Variants in SNED1 observed in about 807,000 individuals in gnomAD.
SNED1 encodes the protein sushi, nidogen and EGF-like domain-containing protein 1.
A neutral mutation model predicts 166.7 loss-of-function variants in SNED1; 81 were observed. That is an observed-to-expected ratio of 0.49 (90% CI 0.41 to 0.58). SNED1 has a LOEUF of 0.58. SNED1 is among the 20% of genes least tolerant of loss of function. The probability of loss-of-function intolerance (pLI) is 0.00; values close to 1 mark genes in which losing one functional copy is unlikely to be tolerated. For synonymous variants in SNED1, 762 were observed against 822.0 expected, an observed-to-expected ratio of 0.93 and a Z score of 1.25; for missense variants, 1,604 against 2,000.2, an observed-to-expected ratio of 0.80 and a Z score of 3.78.
rs1574865343 is a variant in SNED1, at chr2:241,013,372, C to T, written c.213+14322C>T. 6.6e-6 allele frequency among the ~76,000 whole-genome samples: 1 copy of T among 152,182 alleles called. No individual in the cohort carries two copies. The highest frequency in any genetic ancestry group is 6.5e-5 in the Admixed American group (1 of 15,280). On this transcript the variant is annotated intron_variant, in intron 1 of 31. Coordinates refer to ENST00000310397, the MANE Select transcript of SNED1 (RefSeq NM_001080437.3). The surrounding 1 kb of genome is among the most constrained non-coding windows in gnomAD (Gnocchi z 4.6). ...CCAGGCTGGAGTGCAGTGGCCTGAG[C>T]CTAGCTCACTGTAACCTCGAACTCA...
chr2:241,028,850 A>G (rs1559236443), intron 1 of SNED1, among the ~76,000 whole-genome samples: 2 of 148,238 alleles, frequency 1.3e-5, no homozygotes, highest in Non-Finnish European at 3.0e-5. Context: ...TGTTTCTCTC[A>G]TTTCTGTCTA....
At chr2:241,027,854 C>T (rs574563938) in intron 1 of SNED1, among the ~76,000 whole-genome samples, 1 of 152,104 alleles carries the variant, frequency 6.6e-6, no homozygotes, top group African/African-American at 2.4e-5. Flanking sequence ...CTGCCTCAGC[C>T]TCCTGAGTAG....
chr2:241,031,876 GC>G (rs2061182010), intron 2 of SNED1, among the ~76,000 whole-genome samples: 1 of 152,226 alleles, frequency 6.6e-6, no homozygotes, highest in Non-Finnish European at 1.5e-5. Context: ...CTACAAACTA[GC>G]CCAGCACCAA....
chr2:241,024,461 CT>C (rs1321883513), intron 1 of SNED1, among the ~76,000 whole-genome samples: 1 of 150,740 alleles, frequency 6.6e-6, no homozygotes, highest in Non-Finnish European at 1.5e-5. Context: ...GTTGGCCAGG[CT>C]GGTCTTGAAC....
At chr2:241,002,430 T>C (rs2060103801) in intron 1 of SNED1, among the ~76,000 whole-genome samples, 2 of 152,184 alleles carry the variant, frequency 1.3e-5, no homozygotes, top group Admixed American at 6.5e-5. Context: ...CCCTATTCAC[T>C]GAGGTTCCCG....
In SNED1 at chr2:241,018,228, C is replaced by G. The variant is rs1236159438; in HGVS notation, c.214-12056C>G. ...CTTTGGTCACCATACACGACGTAAC[C>G]CACAGGCGCTCAGATGACGGGGAAG... On this transcript the variant is annotated intron_variant, in intron 1 of 31. Coordinates refer to ENST00000310397, the MANE Select transcript of SNED1 (RefSeq NM_001080437.3). The surrounding 1 kb of genome is among the most constrained non-coding windows in gnomAD (Gnocchi z 5.4). Among the ~76,000 whole-genome samples, 1 of 152,218 alleles carries G rather than the reference C, an allele frequency of 6.6e-6. No individual in the cohort carries two copies. Among genetic ancestry groups the G allele is most frequent in the Non-Finnish European group, 1.5e-5 (1 of 68,042 alleles).
chr2:241,041,684 G>A (rs2061525891), intron 8 of SNED1, among the ~76,000 whole-genome samples: 1 of 151,944 alleles, frequency 6.6e-6, no homozygotes, highest in Non-Finnish European at 1.5e-5. Flanking sequence ...GTGAGACTCT[G>A]TCTAAAAAAA....
intron 29 of SNED1, among the ~76,000 whole-genome samples, chr2:241,084,746 T>G (rs1375071165): frequency 2.0e-5 from 3 of 152,192 alleles, no homozygotes; most frequent in African/African-American, 4.8e-5. Context: ...AGATCTAGGA[T>G]TCCATCTGGT....
In SNED1 at chr2:241,068,913, C is replaced by T; in HGVS notation, c.3197C>T (p.Ala1066Val). The T allele has an allele frequency of 1.3e-6, 2 of 1,548,634 alleles. No homozygotes were observed. The highest frequency in any genetic ancestry group is 8.7e-7 in the Non-Finnish European group (1 of 1,145,004). ...DRSVDRFTFRALLPGKRYTIQ... is the reference protein window; with the variant it reads ...DRSVDRFTFRVLLPGKRYTIQ... Reference sequence around the variant, plus strand: ...TCTTTGTCACCTCCTGCCCACAGGGCCCTGCTGCCTGGGAAGAGGTACACC... The same window carrying T: ...TCTTTGTCACCTCCTGCCCACAGGGTCCTGCTGCCTGGGAAGAGGTACACC... The change falls in exon 23 of 32, where the codon GCC becomes GTC. Residue 1066 changes from alanine to valine, a missense_variant and splice_region_variant. Around this residue, in one of 2 missense-constraint regions of SNED1, gnomAD observed 1,237 missense variants for 1,620.8 expected, o/e 0.76. Transcript: ENST00000310397. This position sits in a 1 kb window ranked among gnomAD's most constrained non-coding sequence, Gnocchi z 5.3.
chr2:241,092,405 T>C lies in SNED1; in HGVS notation c.*769T>C, dbSNP rs1236887563. ...ATGTCATTGAATGGCTGCGGCTATG[T>C]TCCAATAAAAACTTATTTACAATAA... On this transcript the variant is annotated 3_prime_UTR_variant, in exon 32 of 32. Coordinates refer to ENST00000310397, the MANE Select transcript of SNED1 (RefSeq NM_001080437.3). This position sits in a 1 kb window ranked among gnomAD's most constrained non-coding sequence, Gnocchi z 4.6. The C allele has an allele frequency of 6.6e-6, 1 of 152,176 alleles. No individual in the cohort carries two copies. Among genetic ancestry groups the C allele is most frequent in the African/African-American group, 2.4e-5 (1 of 41,444 alleles). The allele number at this position is 152,176 out of a possible 1,614,324, so 9.4% of individuals were successfully genotyped here. A position where few individuals can be genotyped will look rare whatever the true frequency, so the allele number is the denominator to read the frequency against.
At chr2:241,035,038 G>T (rs936789124) in intron 4 of SNED1, among the ~76,000 whole-genome samples, 1 of 152,152 alleles carries the variant, frequency 6.6e-6, no homozygotes, top group Non-Finnish European at 1.5e-5. Flanking sequence ...TGGAGACTGC[G>T]GGTTTCGGGG....
Position 241,048,717 on chromosome 2 carries a change from CA to C in SNED1, c.1456del (p.Thr486ProfsTer25). The C allele has an allele frequency of 6.2e-7, 1 of 1,612,982 alleles. No individual in the cohort carries two copies. The highest frequency in any genetic ancestry group is 8.5e-7 in the Non-Finnish European group (1 of 1,179,584). On this transcript the variant is annotated frameshift_variant, in exon 10 of 32. Transcript: ENST00000310397. LOFTEE classifies it high-confidence loss of function. ...NGGRCLGANT[T>X]LCQCPLGFFG... is the part of the protein sequence containing the mutation. ...GAGGCAGATGCCTGGGCGCCAACAC[CA>C]CCCTCTGCCAGTGCCCCCTGGGATT...
intron 17 of SNED1, 79 bp downstream of exon 17, chr2:241,062,983 A>G: frequency 1.1e-6 from 1 of 932,436 alleles, no homozygotes; most frequent in Non-Finnish European, 1.6e-6. Flanking sequence ...TCCCCCGGAC[A>G]GGTCTCTGTC....
chr2:241,023,665 G>C (rs186256879), intron 1 of SNED1, among the ~76,000 whole-genome samples: 2 of 152,160 alleles, frequency 1.3e-5, no homozygotes, highest in Admixed American at 1.3e-4. Flanking sequence ...TTTCATTTAT[G>C]TATGCTGAGG....
rs189036048 is a variant in SNED1 at position 241,022,142 on chromosome 2, T to C, written c.214-8142T>C. On this transcript the variant is annotated intron_variant, in intron 1 of 31. Coordinates refer to ENST00000310397, the MANE Select transcript of SNED1 (RefSeq NM_001080437.3). ...TCTAGATATATATCCCTTATCTGAT[T>C]ATGATTTGCAGGTACATTCTCCCAT... Among the ~76,000 whole-genome samples the C allele has an allele frequency of 2.0e-5, 3 of 152,374 alleles. No individual in the cohort carries two copies. The East Asian group carries it at 5.8e-4, about 29-fold the overall frequency.
At chr2:241,056,580 A>ATATTTTTTT (rs2062046241) in intron 16 of SNED1, among the ~76,000 whole-genome samples, 1 of 111,224 alleles carries the variant, frequency 9.0e-6, no homozygotes, top group Admixed American at 1.1e-4. Context: ...AATAAGTGAA[A>ATATTTTTTT]TTTTTTTTTT....
At position 241,068,011 on chromosome 2, in the gene SNED1, G is replaced by A; in HGVS notation, c.3194+64G>A. On this transcript the variant is annotated intron_variant, in intron 22 of 31. Transcript: ENST00000310397. This position sits in a 1 kb window ranked among gnomAD's most constrained non-coding sequence, Gnocchi z 5.3. ...GCAGGGGTGGGGGCTCGGGGACACG[G>A]GGCCCAGGTCTCGGGCACATTCTCC... is the stretch of plus-strand genomic sequence containing the variant. 1 of 1,451,598 alleles carries A rather than the reference G, an allele frequency of 6.9e-7. No homozygotes were observed. Among genetic ancestry groups the A allele is most frequent in the Non-Finnish European group, 9.5e-7 (1 of 1,056,510 alleles). 89.9% of individuals were successfully genotyped at this position (1,451,598 alleles called of 1,614,324 possible).
At chr2:241,067,684 G>T in intron 21 of SNED1, 80 bp from the exon 22 acceptor site, 2 of 1,267,760 alleles carry the variant, frequency 1.6e-6, no homozygotes, top group Non-Finnish European at 1.1e-6. Flanking sequence ...ACCCTCCCAA[G>T]CCTGGTTTCA....
At chr2:241,048,550 G>A (rs1317231550) in intron 9 of SNED1, 110 bp downstream of exon 9, 102 of 1,489,540 alleles carry the variant, frequency 6.8e-5, no homozygotes, top group Non-Finnish European at 8.3e-5. Flanking sequence ...GTGTGAGTGC[G>A]CGTCCACTGC....
Sources: allele counts gnomAD v4.1 joint callset (sites outside exome capture counted in the v4.1 genomes callset), GRCh38; gene constraint gnomAD v4.1.1; regional missense constraint gnomAD v4.1.1; non-coding constraint Gnocchi (gnomAD v3.1); transcripts MANE v1.5; gene names NCBI Gene and HGNC (gene_info 2026-07-23, HGNC 2026-07-21).